The following OPCML variants were observed in gnomAD, a reference collection of about 807,000 sequenced individuals.
OPCML encodes opioid binding protein/cell adhesion molecule like.
In OPCML, 13 loss-of-function variants were observed where a neutral mutation model predicts 37.8. The ratio of observed to expected loss-of-function variants is 0.34; its 90% CI spans 0.22 to 0.55. OPCML has a LOEUF of 0.55. Ranked by LOEUF, OPCML falls within the 20% of genes least tolerant of loss-of-function variation. The pLI, the probability that OPCML is intolerant of heterozygous loss-of-function variation, is 0.91. For synonymous variants in OPCML, 176 were observed against 168.8 expected (o/e 1.04, Z -0.33); for missense variants, 341 against 435.6 (o/e 0.78, Z 1.93).
intron 3 of OPCML, among the ~76,000 whole-genome samples, chr11:132,633,180 T>G (rs1425370500): frequency 6.6e-6 from 1 of 152,038 alleles, no homozygotes; most frequent in Non-Finnish European, 1.5e-5. Context: ...CAACTGTTGG[T>G]GTTTGAGGGG....
intron 3 of OPCML, among the ~76,000 whole-genome samples, chr11:132,576,258 T>A (rs1330176485): frequency 7.5e-6 from 1 of 132,976 alleles, no homozygotes; most frequent in African/African-American, 2.5e-5. Context: ...CCTTTCTTTC[T>A]CTCTTCTTCT....
chr11:133,083,144 G>GCACACACA (rs139577478), intron 1 of OPCML, among the ~76,000 whole-genome samples: 2 of 149,358 alleles, frequency 1.3e-5, no homozygotes, highest in African/African-American at 2.5e-5. Context: ...GCACACACAC[G>GCACACACA]CACACACACA....
intron 3 of OPCML, among the ~76,000 whole-genome samples, chr11:132,624,206 C>A (rs1939599791): frequency 6.6e-6 from 1 of 152,128 alleles, no homozygotes; most frequent in African/African-American, 2.4e-5. Flanking sequence ...TAAATAAAGG[C>A]AACTGTAGGC....
chr11:133,024,101 T>C (rs542072302), intron 1 of OPCML, among the ~76,000 whole-genome samples: 7 of 152,302 alleles, frequency 4.6e-5, no homozygotes, highest in African/African-American at 1.4e-4. Flanking sequence ...TTATGGTCCA[T>C]GGAGAAACTA....
chr11:132,857,920 C>A (rs1176685927), intron 2 of OPCML, among the ~76,000 whole-genome samples: 1 of 152,024 alleles, frequency 6.6e-6, no homozygotes, highest in East Asian at 1.9e-4. Context: ...AGAATTGCTG[C>A]TCTAAGTGTT....
intron 3 of OPCML, among the ~76,000 whole-genome samples, chr11:132,626,687 T>C (rs200804311): frequency 0.031 from 2,119 of 68,858 alleles, 23 homozygotes; most frequent in African/African-American, 0.057. Context: ...TTATTTGGTA[T>C]GAGCCTTTAA....
At chr11:133,168,647 C>A (rs1178444703) in intron 1 of OPCML, among the ~76,000 whole-genome samples, 1 of 152,036 alleles carries the variant, frequency 6.6e-6, no homozygotes, top group African/African-American at 2.4e-5. Context: ...GCCTAAGAAC[C>A]ACATCTTTCC....
chr11:133,241,061 C>G (rs1763194374), intron 1 of OPCML, among the ~76,000 whole-genome samples: 1 of 152,188 alleles, frequency 6.6e-6, no homozygotes, highest in African/African-American at 2.4e-5. Context: ...CTTCCTCTTT[C>G]TCTCGATGAA....
chr11:132,732,700 A>T (rs1200046433), intron 2 of OPCML, among the ~76,000 whole-genome samples: 2 of 152,204 alleles, frequency 1.3e-5, no homozygotes, highest in African/African-American at 4.8e-5. Context: ...CCCCAAATGG[A>T]CAGCAAACCA....
At chr11:133,048,074 C>T (rs1948056445) in intron 1 of OPCML, among the ~76,000 whole-genome samples, 1 of 152,090 alleles carries the variant, frequency 6.6e-6, no homozygotes, top group African/African-American at 2.4e-5. Context: ...CTTGAGGAAT[C>T]GGGTAAGACG....
In OPCML at chr11:133,177,757, AT is replaced by A; in HGVS notation, c.62-234748del. Among the ~76,000 whole-genome samples the A allele has an allele frequency of 6.6e-6, 1 of 152,298 alleles. No homozygotes were observed. The highest frequency in any genetic ancestry group is 2.1e-4 in the South Asian group (1 of 4,828). On this transcript the variant is annotated intron_variant, in intron 1 of 7. Coordinates refer to ENST00000524381, the MANE Select transcript of OPCML (RefSeq NM_001012393.5). This position sits in a 1 kb window ranked among gnomAD's most constrained non-coding sequence, Gnocchi z 5.0. ...GCTGCTCGAGCAAATGTGGAATCTCATGGAATCGGCCCCACACACTCACCGA... is the reference window on the plus strand; with the variant it reads ...GCTGCTCGAGCAAATGTGGAATCTCAGGAATCGGCCCCACACACTCACCGA...
At chr11:133,329,710 T>C (rs1943571858) in intron 1 of OPCML, among the ~76,000 whole-genome samples, 1 of 152,282 alleles carries the variant, frequency 6.6e-6, no homozygotes, top group South Asian at 2.1e-4. Flanking sequence ...AAGACTTAAA[T>C]GTTAGACCTA....
At chr11:133,252,806 A>G (rs543792550) in intron 1 of OPCML, among the ~76,000 whole-genome samples, 1 of 152,236 alleles carries the variant, frequency 6.6e-6, no homozygotes, top group Non-Finnish European at 1.5e-5. Context: ...CCCATGAAGC[A>G]CAACTAAAGA....
rs575954305 is a variant in OPCML, at chr11:133,519,440, G to A, written c.61+12824C>T. On this transcript the variant is annotated intron_variant, in intron 1 of 7. Coordinates refer to ENST00000524381, the MANE Select transcript of OPCML (RefSeq NM_001012393.5). ...TCTGGGAGAGACACAACAGAAGGAC[G>A]AGGGAAACTTTACTGAAAAATCTGT... is the stretch of plus-strand genomic sequence containing the variant. Among the ~76,000 whole-genome samples, 24 of 152,326 alleles carry A rather than the reference G, an allele frequency of 1.6e-4. No individual in the cohort carries two copies. In the South Asian group the frequency reaches 3.7e-3, roughly 24 times the overall value.
At chr11:133,051,843 C>T (rs1565419662) in intron 1 of OPCML, among the ~76,000 whole-genome samples, 2 of 152,216 alleles carry the variant, frequency 1.3e-5, no homozygotes, top group Non-Finnish European at 2.9e-5. Flanking sequence ...CTGCATTTTC[C>T]AGATGGACAG....
At chr11:132,980,181 C>A (rs1946552814) in intron 1 of OPCML, among the ~76,000 whole-genome samples, 1 of 152,178 alleles carries the variant, frequency 6.6e-6, no homozygotes, top group Non-Finnish European at 1.5e-5. Context: ...TAAAGCATAG[C>A]TCTATGAGTA....
intron 1 of OPCML, among the ~76,000 whole-genome samples, chr11:133,122,482 G>T (rs543117024): frequency 6.6e-6 from 1 of 152,192 alleles, no homozygotes; most frequent in East Asian, 1.9e-4. Flanking sequence ...GCACTTCTGG[G>T]CAGGAGGCCT....
At chr11:133,236,511 G>A (rs1451554983) in intron 1 of OPCML, among the ~76,000 whole-genome samples, 1 of 145,996 alleles carries the variant, frequency 6.8e-6, no homozygotes, top group African/African-American at 2.4e-5. Context: ...CCTTTTCAAA[G>A]ACTTGTCTCC....
At chr11:132,996,932 C>T (rs1240172600) in intron 1 of OPCML, among the ~76,000 whole-genome samples, 1 of 152,206 alleles carries the variant, frequency 6.6e-6, no homozygotes, top group Admixed American at 6.5e-5. Flanking sequence ...TCCTAAGGGG[C>T]CGTCTCCTAT....
Sources: allele counts gnomAD v4.1 joint callset (sites outside exome capture counted in the v4.1 genomes callset), GRCh38; gene constraint gnomAD v4.1.1; non-coding constraint Gnocchi (gnomAD v3.1); transcripts MANE v1.5; gene names NCBI Gene and HGNC (gene_info 2026-07-23, HGNC 2026-07-21).